The following CPNE8 variants were observed in gnomAD, a reference collection of about 807,000 sequenced individuals.
The protein encoded by CPNE8 is copine-8.
CPNE8 carries 45 observed loss-of-function variants against 81.5 expected under a neutral mutation model. The ratio of observed to expected loss-of-function variants is 0.55; its 90% CI spans 0.44 to 0.71. CPNE8 has a LOEUF of 0.71. Ranked by LOEUF, CPNE8 falls within the 30% of genes least tolerant of loss-of-function variation. The pLI, the probability that CPNE8 is intolerant of heterozygous loss-of-function variation, is 0.00. For missense variants in CPNE8, 594 were observed against 672.1 expected, an observed-to-expected ratio of 0.88 and a Z score of 1.28; for synonymous variants, 252 against 226.3, an observed-to-expected ratio of 1.11 and a Z score of -1.02.
chr12:38,829,254 G>GA (rs1203666006), intron 6 of CPNE8, 125 bp downstream of exon 6: 1 of 634,120 alleles, frequency 1.6e-6, no homozygotes, highest in Non-Finnish European at 2.8e-6. Flanking sequence ...TTTGTTAAAA[G>GA]AAAAAACTCA....
intron 6 of CPNE8, among the ~76,000 whole-genome samples, chr12:38,784,051 C>G (rs1942114961): frequency 6.6e-6 from 1 of 152,134 alleles, no homozygotes; most frequent in Admixed American, 6.5e-5. Context: ...CCTGGAGAAA[C>G]AGAGATATGT....
At chr12:38,704,826 G>GTATATATATGTGTATATATATGTGTA in intron 13 of CPNE8, among the ~76,000 whole-genome samples, 1 of 50,200 alleles carries the variant, frequency 2.0e-5, no homozygotes, top group Non-Finnish European at 5.5e-5. Context: ...GTATGTATGT[G>GTATATATATGTGTATATATATGTGTA]TATATATATA....
chr12:38,906,147 C>T (rs1263650516), upstream of CPNE8: 10 of 985,734 alleles, frequency 1.0e-5, no homozygotes, highest in South Asian at 4.2e-4. Flanking sequence ...CTCACCTCGC[C>T]CTCGGAGCTC....
At chr12:38,776,328 A>AG in intron 6 of CPNE8, 27 bp from the exon 7 acceptor site, 1 of 1,013,336 alleles carries the variant, frequency 9.9e-7, no homozygotes, top group Non-Finnish European at 1.4e-6. Flanking sequence ...ATATTTATAT[A>AG]CATTAATATG....
At chr12:38,694,208 C>G (rs895675801) in intron 14 of CPNE8, among the ~76,000 whole-genome samples, 1 of 152,040 alleles carries the variant, frequency 6.6e-6, no homozygotes, top group African/African-American at 2.4e-5. Context: ...ATCCTTATGC[C>G]TATGGCAAGA....
chr12:38,748,183 G>A (rs951878190), intron 10 of CPNE8, among the ~76,000 whole-genome samples: 1 of 150,848 alleles, frequency 6.6e-6, no homozygotes, highest in African/African-American at 2.4e-5. Context: ...GCTAATTTTT[G>A]TATTTTTAGT....
At chr12:38,762,901 C>A (rs1169552574) in intron 8 of CPNE8, among the ~76,000 whole-genome samples, 1 of 152,178 alleles carries the variant, frequency 6.6e-6, no homozygotes, top group Non-Finnish European at 1.5e-5. Context: ...CTCTGTCGCC[C>A]AGGCTGGAGT....
rs57044387 is a variant in CPNE8, at chr12:38,717,429, G to GTATATATATATATATATATA, written c.914+6323_914+6342dup. Reference sequence around the variant, plus strand: ...AACAAGTAAACAAAGAAAGTGTGGTGTATATATATATATATATATATATAT... The same window carrying GTATATATATATATATATATA: ...AACAAGTAAACAAAGAAAGTGTGGTGTATATATATATATATATATATATATATATATATATATATATATAT... On this transcript the variant is annotated intron_variant, in intron 13 of 19. Transcript: ENST00000331366. Among the ~76,000 whole-genome samples the GTATATATATATATATATATA allele has an allele frequency of 2.3e-3, 204 of 86,956 alleles. 4 individuals are homozygous for GTATATATATATATATATATA. The highest frequency in any genetic ancestry group is 7.0e-3 in the Middle Eastern group (1 of 142). 57.0% of individuals were successfully genotyped at this position (86,956 alleles called of 152,430 possible).
chr12:38,670,332 T>A (rs923195412), intron 19 of CPNE8, among the ~76,000 whole-genome samples: 1 of 152,170 alleles, frequency 6.6e-6, no homozygotes, highest in African/African-American at 2.4e-5. Context: ...AATTAACGCC[T>A]TGCTTTCAAT....
intron 16 of CPNE8, among the ~76,000 whole-genome samples, chr12:38,682,601 ATAT>A: frequency 6.6e-6 from 1 of 152,332 alleles, no homozygotes; most frequent in South Asian, 2.1e-4. Flanking sequence ...ATGGGTACAG[ATAT>A]CTCAGTATAT....
intron 6 of CPNE8, among the ~76,000 whole-genome samples, chr12:38,795,310 C>A (rs1388313561): frequency 3.9e-5 from 6 of 152,186 alleles, no homozygotes; most frequent in African/African-American, 1.4e-4. Flanking sequence ...CTGATTAATA[C>A]AATGGACTTC....
chr12:38,673,072 C>A (rs1939212254), intron 18 of CPNE8, among the ~76,000 whole-genome samples: 1 of 152,082 alleles, frequency 6.6e-6, no homozygotes, highest in South Asian at 2.1e-4. Context: ...GGGGGTGGTT[C>A]CCCCATGCTG....
At chr12:38,815,145 A>C (rs1454266470) in intron 6 of CPNE8, among the ~76,000 whole-genome samples, 1 of 152,146 alleles carries the variant, frequency 6.6e-6, no homozygotes, top group Non-Finnish European at 1.5e-5. Context: ...CCTACTACAG[A>C]GCCAAACAGG....
rs115714800 is a variant in CPNE8 at position 38,748,980 on chromosome 12, C to A, written c.722+11867G>T. Among the ~76,000 whole-genome samples the A allele has an allele frequency of 5.3e-3, 808 of 152,054 alleles. 5 individuals are homozygous for A. The highest frequency in any genetic ancestry group is 0.018 in the African/African-American group (766 of 41,446). On this transcript the variant is annotated intron_variant, in intron 10 of 19. Transcript: ENST00000331366. ...TATATTAAGTTATATGTTTTAAATTCTTTTTTTGTTGATTAGTAGTTGACA... is the reference window on the plus strand; with the variant it reads ...TATATTAAGTTATATGTTTTAAATTATTTTTTTGTTGATTAGTAGTTGACA...
chr12:38,672,885 A>T (rs75737258), intron 18 of CPNE8, among the ~76,000 whole-genome samples: 1,788 of 152,284 alleles, frequency 0.012, 37 homozygotes, highest in African/African-American at 0.041. Flanking sequence ...CCATGGAAAC[A>T]ATGTCTTTCA....
chr12:38,823,121 A>C (rs1291799188), intron 6 of CPNE8, among the ~76,000 whole-genome samples: 6 of 152,156 alleles, frequency 3.9e-5, no homozygotes, highest in African/African-American at 1.4e-4. Context: ...CCTAACTTTC[A>C]GGATAAGTCC....
intron 6 of CPNE8, among the ~76,000 whole-genome samples, chr12:38,796,489 A>T (rs1324754215): frequency 6.6e-6 from 1 of 152,208 alleles, no homozygotes; most frequent in African/African-American, 2.4e-5. Flanking sequence ...TAGAAGAAAA[A>T]GTCATACTCT....
intron 10 of CPNE8, among the ~76,000 whole-genome samples, chr12:38,750,957 T>C (rs1941343135): frequency 6.6e-6 from 1 of 152,156 alleles, no homozygotes; most frequent in Admixed American, 6.5e-5. Flanking sequence ...GGGAGGGACC[T>C]GGTGGGAGGT....
At chr12:38,737,430 A>G (rs1437685120) in intron 10 of CPNE8, among the ~76,000 whole-genome samples, 2 of 152,074 alleles carry the variant, frequency 1.3e-5, no homozygotes, top group African/African-American at 4.8e-5. Context: ...TACTTTAACT[A>G]TATAGCACAG....
Sources: allele counts gnomAD v4.1 joint callset (sites outside exome capture counted in the v4.1 genomes callset), GRCh38; gene constraint gnomAD v4.1.1; transcripts MANE v1.5; gene names NCBI Gene and HGNC (gene_info 2026-07-23, HGNC 2026-07-21).